Variants in PHEX observed in about 807,000 individuals in gnomAD.
PHEX encodes the protein phosphate-regulating neutral endopeptidase PHEX.
A neutral mutation model predicts 68.0 loss-of-function variants in PHEX; 16 were observed. The observed-to-expected ratio is 0.24, with a 90% CI of 0.16 to 0.36. The LOEUF (loss-of-function observed/expected upper bound fraction) is 0.36, where lower values mean the gene tolerates loss of function less well. Ranked by LOEUF, PHEX falls within the 10% of genes least tolerant of loss-of-function variation. PHEX has a pLI of 1.00. For missense variants in PHEX, 480 were observed against 575.5 expected (o/e 0.83, Z 1.70); for synonymous variants, 208 against 205.1 (o/e 1.01, Z -0.12).
At chrX:22,046,630 C>T (rs1037943706) in intron 2 of PHEX, among the ~76,000 whole-genome samples, 43 of 101,066 alleles carry the variant, frequency 4.3e-4, no homozygotes, top group African/African-American at 1.5e-3. Flanking sequence ...TGCAGTGGTG[C>T]GATCTCAGCT....
chrX:22,234,862 CAAT>C (rs1181634370), intron 20 of PHEX, among the ~76,000 whole-genome samples: 1 of 108,143 alleles, frequency 9.2e-6, no homozygotes, highest in Non-Finnish European at 1.9e-5. Flanking sequence ...AAAACAACAA[CAAT>C]GAAACAACAA....
chrX:22,047,096 T>C lies in PHEX; in HGVS notation c.234T>C (p.Asp78=). Residue 78 remains aspartate, a synonymous_variant, in exon 3 of 22, where the codon GAT becomes GAC. Transcript: ENST00000379374. ...SKVNLSVDPC[D]NFFRFACDGW... ...TAAATCTGTCTGTGGATCCTTGTGA[T>C]AATTTCTTCCGGTTCGCTTGTGATG... The C allele has an allele frequency of 8.3e-7, 1 of 1,209,095 alleles. No homozygotes were observed. The highest frequency in any genetic ancestry group is 1.1e-6 in the Non-Finnish European group (1 of 892,886).
chrX:22,133,426 G>A, intron 11 of PHEX, 97 bp from the exon 12 acceptor site: 2 of 605,061 alleles, frequency 3.3e-6, no homozygotes, highest in South Asian at 4.6e-5. Context: ...ACCATGTTGA[G>A]TAAAGAGTCA....
At chrX:22,065,725 G>A (rs915622762) in intron 3 of PHEX, among the ~76,000 whole-genome samples, 4 of 111,730 alleles carry the variant, frequency 3.6e-5, no homozygotes, top group Non-Finnish European at 7.5e-5. Context: ...CGCCCGGCCG[G>A]CCCAAGCATT....
intron 14 of PHEX, among the ~76,000 whole-genome samples, chrX:22,186,064 T>C (rs760400705): frequency 9.0e-6 from 1 of 111,685 alleles, no homozygotes; most frequent in East Asian, 2.8e-4. Context: ...CCATTTGTGG[T>C]CTTTCATGTA....
chrX:22,239,725 G>A (rs1314422631), intron 20 of PHEX, among the ~76,000 whole-genome samples: 3 of 111,312 alleles, frequency 2.7e-5, no homozygotes, highest in Non-Finnish European at 5.6e-5. Flanking sequence ...AAGCCTCCAA[G>A]AAATATGGGA....
At chrX:22,118,012 A>G (rs993995512) in intron 11 of PHEX, among the ~76,000 whole-genome samples, 4 of 111,246 alleles carry the variant, frequency 3.6e-5, no homozygotes, top group Non-Finnish European at 7.5e-5. Context: ...AGATCCCCAA[A>G]GGGGCAAATT....
intron 20 of PHEX, among the ~76,000 whole-genome samples, chrX:22,235,958 G>A (rs913975115): frequency 2.7e-5 from 3 of 110,602 alleles, no homozygotes; most frequent in Non-Finnish European, 5.7e-5. Flanking sequence ...CCTCCATCTG[G>A]CTTCCCAAAT....
At chrX:22,221,108 A>C (rs1935253744) in intron 17 of PHEX, among the ~76,000 whole-genome samples, 1 of 111,750 alleles carries the variant, frequency 8.9e-6, no homozygotes. Context: ...CAGAGGTTTT[A>C]TGTGTCTTTC....
chrX:22,071,667 A>G (rs1367450355), intron 3 of PHEX, among the ~76,000 whole-genome samples: 3 of 112,766 alleles, frequency 2.7e-5, no homozygotes, highest in African/African-American at 9.7e-5. Context: ...AAATATCTTT[A>G]TTATTAAAAT....
At chrX:22,221,497 A>AGAG (rs1041914212) in intron 17 of PHEX, 116 bp from the exon 18 acceptor site, 32 of 600,723 alleles carry the variant, frequency 5.3e-5, no homozygotes, top group African/African-American at 1.6e-4. Flanking sequence ...GATCTCAGGA[A>AGAG]GAGTGTTCCC....
At chrX:22,185,385 G>A (rs1376454329) in intron 14 of PHEX, among the ~76,000 whole-genome samples, 1 of 112,267 alleles carries the variant, frequency 8.9e-6, no homozygotes, top group Admixed American at 9.4e-5. Flanking sequence ...TTAAAATCTT[G>A]TTGGGACATA....
At chrX:22,071,783 A>C (rs1157404195) in intron 3 of PHEX, among the ~76,000 whole-genome samples, 2 of 112,893 alleles carry the variant, frequency 1.8e-5, no homozygotes, top group Non-Finnish European at 1.9e-5. Flanking sequence ...TAAATGTGAA[A>C]CAATAAAGAT....
chrX:22,222,423 A>G (rs907271789), intron 18 of PHEX, among the ~76,000 whole-genome samples: 2 of 111,912 alleles, frequency 1.8e-5, no homozygotes, highest in African/African-American at 6.5e-5. Flanking sequence ...TGGGCAAGTT[A>G]CTTAATGTTC....
rs151306376 is a variant in PHEX, at chrX:22,076,435, C to G, written c.397C>G (p.Gln133Glu). 2.2e-5 allele frequency: 27 copies of G among 1,205,074 alleles called. No homozygotes were observed. The African/African-American group carries it at 4.2e-4, about 19-fold the overall frequency. Residue 133 changes from glutamine (Q) to glutamate (E), a missense_variant, in exon 4 of 22, where the codon CAG becomes GAG. Coordinates refer to ENST00000379374, the MANE Select transcript of PHEX (RefSeq NM_000444.6). Reference sequence around the variant, plus strand: ...TAGAAGGCGGGACACCGAAGCCATACAGAAAGCCAAAATCCTTTATTCATC... The same window carrying G: ...TAGAAGGCGGGACACCGAAGCCATAGAGAAAGCCAAAATCCTTTATTCATC... ...ISRRRDTEAI[Q>E]KAKILYSSCM...
intron 2 of PHEX, among the ~76,000 whole-genome samples, chrX:22,039,517 G>A (rs1927177477): frequency 8.9e-6 from 1 of 112,155 alleles, no homozygotes; most frequent in Non-Finnish European, 1.9e-5. Flanking sequence ...CTAAATAAAT[G>A]CCAGGGCGGC....
At chrX:22,038,861 A>G (rs1167506005) in intron 2 of PHEX, among the ~76,000 whole-genome samples, 2 of 111,601 alleles carry the variant, frequency 1.8e-5, no homozygotes, top group Non-Finnish European at 3.8e-5. Flanking sequence ...GCTGGCTATG[A>G]ATTCCTCTTT....
At chrX:22,098,093 GTTTTTTTT>G (rs879094593) in intron 8 of PHEX, 6 of 89,657 alleles carry the variant, frequency 6.7e-5, no homozygotes, top group Admixed American at 2.6e-4. Context: ...TTCCTCTTGT[GTTTTTTTT>G]TTTTTTTTTT....
intron 19 of PHEX, 134 bp downstream of exon 19, chrX:22,226,642 AGT>A (rs1935516789): frequency 3.5e-6 from 2 of 570,265 alleles, no homozygotes; most frequent in Non-Finnish European, 6.2e-6. Context: ...TGTAAATAGA[AGT>A]GTGTCTCCCC....
Sources: gnomAD v4.1 joint callset for allele counts (sites outside exome capture counted in the v4.1 genomes callset) on GRCh38, gnomAD v4.1.1 for gene constraint, MANE v1.5 for transcripts, NCBI Gene and HGNC (gene_info 2026-07-23, HGNC 2026-07-21) for gene names.